The following DNAJB5 variants were observed in gnomAD, a reference collection of about 807,000 sequenced individuals.
DNAJB5 encodes DnaJ heat shock protein family (Hsp40) member B5, also known as dnaJ homolog subfamily B member 5.
DNAJB5 carries 12 observed loss-of-function variants against 32.6 expected under a neutral mutation model. The ratio of observed to expected loss-of-function variants is 0.37; its 90% confidence interval spans 0.24 to 0.60. The LOEUF (loss-of-function observed/expected upper bound fraction) is 0.60. DNAJB5 is among the 20% of genes least tolerant of loss of function. The pLI, the probability that DNAJB5 is intolerant of heterozygous loss-of-function variation, is 0.71. For missense variants in DNAJB5, 358 were observed against 554.2 expected, an observed-to-expected ratio of 0.65 and a Z score of 3.55; for synonymous variants, 188 against 212.9, an observed-to-expected ratio of 0.88 and a Z score of 1.02.
rs1238825948 is a variant in DNAJB5, at chr9:34,990,313, T to A, written c.-132-186T>A. ...CCAGTGAGAGGCGACAGGAGCTCAC[T>A]GCCTCTCGGGCCCTCACAATCACAC... On this transcript the variant is annotated intron_variant, in intron 1 of 4. Coordinates refer to ENST00000682809, the MANE Select transcript of DNAJB5 (RefSeq NM_001349723.3). This position sits in a 1 kb window ranked among gnomAD's most constrained non-coding sequence, Gnocchi z 4.5. 4.9e-6 allele frequency: 7 copies of A among 1,440,026 alleles called. No individual in the cohort carries two copies. The African/African-American group carries it at 9.9e-5, about 20-fold the overall frequency. The allele number at this position is 1,440,026 out of a possible 1,614,324, so 89.2% of individuals were successfully genotyped here.
chr9:34,989,817 C>A lies in DNAJB5; in HGVS notation c.-147C>A. 8.1e-7 allele frequency: 1 copy of A among 1,232,364 alleles called. No individual in the cohort carries two copies. The highest frequency in any genetic ancestry group is 1.0e-6 in the Non-Finnish European group (1 of 988,304). The allele number at this position is 1,232,364 out of a possible 1,614,324, so 76.3% of individuals were successfully genotyped here. On this transcript the variant is annotated 5_prime_UTR_variant, in exon 1 of 5. Transcript: ENST00000682809. ...CTGTCTCACGGACCACGGCGGCGCC[C>A]GCAGCTCCTCACCGGTGAGGGCGCC...
chr9:34,998,799 G>C (rs571543221), downstream of DNAJB5: 1 of 151,608 alleles, frequency 6.6e-6, no homozygotes, highest in Non-Finnish European at 1.5e-5. Flanking sequence ...TTCTAGGAGG[G>C]GGTGGAGAAC....
rs1176563447 is a variant in DNAJB5, at chr9:34,998,186, T to C, written c.*927T>C. 6.6e-6 allele frequency: 1 copy of C among 152,628 alleles called. No individual in the cohort carries two copies. Among genetic ancestry groups the C allele is most frequent in the African/African-American group, 2.4e-5 (1 of 41,410 alleles). 9.5% of individuals were successfully genotyped at this position (152,628 alleles called of 1,614,324 possible). Reference sequence around the variant, plus strand: ...CTTTTGTGATATGTGAAGCTACTCATTTCTTACCCTTGGAGGCTGTGTGGG... The same window carrying C: ...CTTTTGTGATATGTGAAGCTACTCACTTCTTACCCTTGGAGGCTGTGTGGG... On this transcript the variant is annotated 3_prime_UTR_variant, in exon 5 of 5. Coordinates refer to ENST00000682809, the MANE Select transcript of DNAJB5 (RefSeq NM_001349723.3).
chr9:34,996,831 A>G lies in DNAJB5; in HGVS notation c.994A>G (p.Asn332Asp). The G allele has an allele frequency of 6.2e-7, 1 of 1,613,188 alleles. No individual in the cohort carries two copies. The highest frequency in any genetic ancestry group is 8.5e-7 in the Non-Finnish European group (1 of 1,179,758). Reference sequence around the variant, plus strand: ...TGCACACTTCCGCCGAGATGGCACCAACGTGCTCTACAGTGCCCTGATCAG... The same window carrying G: ...TGCACACTTCCGCCGAGATGGCACCGACGTGCTCTACAGTGCCCTGATCAG... ...PHAHFRRDGT[N>D]VLYSALISLK... Residue 332 changes from asparagine to aspartate, a missense_variant, in exon 4 of 5, where the codon AAC becomes GAC. This residue lies in a region of DNAJB5 where 248 missense variants were observed against 442.6 expected (regional missense o/e 0.56). Transcript: ENST00000682809. This position sits in a 1 kb window ranked among gnomAD's most constrained non-coding sequence, Gnocchi z 7.2.
chr9:34,995,099 T>C (rs577424865), intron 3 of DNAJB5, among the ~76,000 whole-genome samples: 17 of 152,084 alleles, frequency 1.1e-4, no homozygotes, highest in African/African-American at 4.1e-4. Context: ...AAAGGAGAGA[T>C]CCTAGGTCTT....
At position 34,992,949 on chromosome 9, in the gene DNAJB5, G is replaced by A. The variant is rs3780732; in HGVS notation, c.183-251G>A. ...GGCCTCAGCCTAGCCCCAAGAGTGG[G>A]CCACAACCTTCAGCTTCCTGCTGGG... is the stretch of plus-strand genomic sequence containing the variant. On this transcript the variant is annotated intron_variant, in intron 2 of 4. Transcript: ENST00000682809. 3.9e-4 allele frequency: 519 copies of A among 1,344,014 alleles called. 7 individuals are homozygous for A. The East Asian group carries it at 0.015, about 39-fold the overall frequency. 83.3% of individuals were successfully genotyped at this position (1,344,014 alleles called of 1,614,324 possible).
rs777911418 is a variant in DNAJB5, at chr9:34,993,389, T to C, written c.372T>C (p.Tyr124=). 1 of 1,613,900 alleles carries C rather than the reference T, an allele frequency of 6.2e-7. No individual in the cohort carries two copies. Among genetic ancestry groups the C allele is most frequent in the Non-Finnish European group, 8.5e-7 (1 of 1,179,966 alleles). Residue 124 remains tyrosine (Y), a synonymous_variant, in exon 3 of 5, where the codon TAT becomes TAC. Transcript: ENST00000682809. This position sits in a 1 kb window ranked among gnomAD's most constrained non-coding sequence, Gnocchi z 4.7. The part of the protein sequence containing the change: ...EEKFKEIAEA[Y]DVLSDPKKRG... ...AGTTTAAGGAGATTGCAGAGGCCTA[T>C]GATGTGCTAAGTGACCCCAAGAAAC...
rs1827814108 is a variant in DNAJB5, at chr9:34,996,901, G to A, written c.1029+35G>A. 6.3e-7 allele frequency: 1 copy of A among 1,589,356 alleles called. No individual in the cohort carries two copies. The highest frequency in any genetic ancestry group is 1.1e-5 in the South Asian group (1 of 87,602). On this transcript the variant is annotated intron_variant, in intron 4 of 4. Transcript: ENST00000682809. This position sits in a 1 kb window ranked among gnomAD's most constrained non-coding sequence, Gnocchi z 7.2. ...AGTCAGGCTGTGTGTGTGTGCTGGG[G>A]AGATGGTGGGGACATTCCCTCTCTT...
chr9:34,996,259 C>T lies in DNAJB5; in HGVS notation c.428-6C>T, dbSNP rs1827790110. 1 of 1,611,418 alleles carries T rather than the reference C, an allele frequency of 6.2e-7. No individual in the cohort carries two copies. The highest frequency in any genetic ancestry group is 8.5e-7 in the Non-Finnish European group (1 of 1,178,546). On this transcript the variant is annotated splice_region_variant and splice_polypyrimidine_tract_variant and intron_variant, in intron 3 of 4. Coordinates refer to ENST00000682809, the MANE Select transcript of DNAJB5 (RefSeq NM_001349723.3). This position sits in a 1 kb window ranked among gnomAD's most constrained non-coding sequence, Gnocchi z 7.2. ...CACACTGCCCCTAACTTCTCCTCCC[C>T]TCTAGGCCTGAAGACCGGCGGTGGC...
chr9:34,993,576 C>T lies in DNAJB5; in HGVS notation c.427+132C>T, dbSNP rs1827714238. ...GCAGCAAGGGTTTCCAGCACTGTCA[C>T]CCAGAGAAGAGAGAAGCCCACCCAC... On this transcript the variant is annotated intron_variant, in intron 3 of 4. Coordinates refer to ENST00000682809, the MANE Select transcript of DNAJB5 (RefSeq NM_001349723.3). This position sits in a 1 kb window ranked among gnomAD's most constrained non-coding sequence, Gnocchi z 4.7. 3.2e-6 allele frequency: 4 copies of T among 1,264,738 alleles called. No individual in the cohort carries two copies. The highest frequency in any genetic ancestry group is 4.3e-6 in the Non-Finnish European group (4 of 928,716). 78.3% of individuals were successfully genotyped at this position (1,264,738 alleles called of 1,614,324 possible). A position where few individuals can be genotyped will look rare whatever the true frequency, so the allele number is the denominator to read the frequency against.
In DNAJB5 at chr9:34,996,207, G is replaced by A; in HGVS notation, c.428-58G>A. 6.4e-7 allele frequency: 1 copy of A among 1,561,324 alleles called. No homozygotes were observed. The highest frequency in any genetic ancestry group is 8.7e-7 in the Non-Finnish European group (1 of 1,153,842). On this transcript the variant is annotated intron_variant, in intron 3 of 4. Transcript: ENST00000682809. The surrounding 1 kb of genome is among the most constrained non-coding windows in gnomAD (Gnocchi z 7.2). ...ACTGGGAGCTAGAGGGCAGGGGGAA[G>A]ACACTGGGATTGGGGCCAGAATAAG... is the stretch of plus-strand genomic sequence containing the variant.
chr9:34,990,880 CA>C lies in DNAJB5; in HGVS notation c.182+69del, dbSNP rs1481421606. 6.9e-7 allele frequency: 1 copy of C among 1,459,422 alleles called. No individual in the cohort carries two copies. The highest frequency in any genetic ancestry group is 1.4e-5 in the African/African-American group (1 of 70,894). 90.4% of individuals were successfully genotyped at this position (1,459,422 alleles called of 1,614,324 possible). On this transcript the variant is annotated intron_variant, in intron 2 of 4. Transcript: ENST00000682809. This position sits in a 1 kb window ranked among gnomAD's most constrained non-coding sequence, Gnocchi z 4.5. ...AAACCCTCCACGCGGCCATCCCCTC[CA>C]TTGCCTTCCTGCTTCCTCCAACTCA... is the stretch of plus-strand genomic sequence containing the variant.
chr9:34,992,710 G>A (rs1018443236), intron 2 of DNAJB5: 5 of 882,376 alleles, frequency 5.7e-6, no homozygotes, highest in Non-Finnish European at 5.5e-6. Flanking sequence ...ACAGCTGGCG[G>A]AAGACCCAGG....
At chr9:34,991,510 G>A (rs1366529271) in intron 2 of DNAJB5, 2 of 448,976 alleles carry the variant, frequency 4.5e-6, no homozygotes, top group Non-Finnish European at 9.0e-6. Flanking sequence ...CTGGCCCTCT[G>A]CCTGGAAGCT....
chr9:34,993,357 G>A lies in DNAJB5; in HGVS notation c.340G>A (p.Glu114Lys). The A allele has an allele frequency of 6.2e-7, 1 of 1,614,164 alleles. No individual in the cohort carries two copies. The highest frequency in any genetic ancestry group is 8.5e-7 in the Non-Finnish European group (1 of 1,180,018). ...AGACAAGAATAAAGAACCCAACGCT[G>A]AGGAGAAGTTTAAGGAGATTGCAGA... The part of the protein sequence containing the change: ...HPDKNKEPNA[E>K]EKFKEIAEAY... The change falls in exon 3 of 5, where the codon GAG (glutamate) becomes AAG (lysine). Residue 114 changes from glutamate (E) to lysine (K), a missense_variant. Physicochemically the swap from Glu to Lys is moderately conservative, Grantham distance 56. Transcript: ENST00000682809. This position sits in a 1 kb window ranked among gnomAD's most constrained non-coding sequence, Gnocchi z 4.7.
In DNAJB5 at chr9:34,997,308, TCACTC is replaced by T; in HGVS notation, c.*55_*59del. 1.3e-6 allele frequency: 2 copies of T among 1,559,500 alleles called. No individual in the cohort carries two copies. The highest frequency in any genetic ancestry group is 2.2e-5 in the South Asian group (2 of 89,952). On this transcript the variant is annotated 3_prime_UTR_variant, in exon 5 of 5. Coordinates refer to ENST00000682809, the MANE Select transcript of DNAJB5 (RefSeq NM_001349723.3). The surrounding 1 kb of genome is among the most constrained non-coding windows in gnomAD (Gnocchi z 4.1). ...CCTACCACAGCAATACCCCCAACAC[TCACTC>T]CACTCAATGTGCACCCAGCTTGATG... is the stretch of plus-strand genomic sequence containing the variant.
chr9:34,996,206 A>T lies in DNAJB5; in HGVS notation c.428-59A>T. Reference sequence around the variant, plus strand: ...AACTGGGAGCTAGAGGGCAGGGGGAAGACACTGGGATTGGGGCCAGAATAA... The same window carrying T: ...AACTGGGAGCTAGAGGGCAGGGGGATGACACTGGGATTGGGGCCAGAATAA... On this transcript the variant is annotated intron_variant, in intron 3 of 4. Transcript: ENST00000682809. This position sits in a 1 kb window ranked among gnomAD's most constrained non-coding sequence, Gnocchi z 7.2. The T allele has an allele frequency of 1.9e-6, 3 of 1,560,444 alleles. No individual in the cohort carries two copies. The highest frequency in any genetic ancestry group is 2.6e-6 in the Non-Finnish European group (3 of 1,153,420).
chr9:34,997,267 C>T lies in DNAJB5; in HGVS notation c.*8C>T, dbSNP rs1226872177. 1 of 1,612,424 alleles carries T rather than the reference C, an allele frequency of 6.2e-7. No individual in the cohort carries two copies. The highest frequency in any genetic ancestry group is 8.5e-7 in the Non-Finnish European group (1 of 1,178,528). Reference sequence around the variant, plus strand: ...CACCTACCCTGTTCCTAGGCTCTGCCCCAGCCAGTCCAGAGCCTACCACAG... The same window carrying T: ...CACCTACCCTGTTCCTAGGCTCTGCTCCAGCCAGTCCAGAGCCTACCACAG... On this transcript the variant is annotated 3_prime_UTR_variant, in exon 5 of 5. Transcript: ENST00000682809. The surrounding 1 kb of genome is among the most constrained non-coding windows in gnomAD (Gnocchi z 4.1).
chr9:34,990,645 A>G lies in DNAJB5; in HGVS notation c.15A>G (p.Thr5=). The change falls in exon 2 of 5, where the codon ACA becomes ACG. Residue 5 remains threonine, a synonymous_variant. Transcript: ENST00000682809. The surrounding 1 kb of genome is among the most constrained non-coding windows in gnomAD (Gnocchi z 4.5). ...CTTGGCTGGGCATGTTTAAGCGCAC[A>G]GTGCTCTCCTGCCCACCCCCAGCAG... is the stretch of plus-strand genomic sequence containing the variant. MFKR[T]VLSCPPPAAP... 2 of 1,551,630 alleles carry G rather than the reference A, an allele frequency of 1.3e-6. No individual in the cohort carries two copies. Among genetic ancestry groups the G allele is most frequent in the Non-Finnish European group, 1.7e-6 (2 of 1,146,956 alleles).
Sources: gnomAD v4.1 joint callset for allele counts (sites outside exome capture counted in the v4.1 genomes callset) on GRCh38, gnomAD v4.1.1 for gene constraint, gnomAD v4.1.1 regional missense constraint, Gnocchi (gnomAD v3.1) non-coding constraint, MANE v1.5 for transcripts, NCBI Gene and HGNC (gene_info 2026-07-23, HGNC 2026-07-21) for gene names.